Variants in OCLN observed in about 807,000 individuals in gnomAD.
OCLN encodes the protein occludin.
A neutral mutation model predicts 47.9 loss-of-function variants in OCLN; 21 were observed. The ratio of observed to expected loss-of-function variants is 0.44; its 90% CI spans 0.31 to 0.63. The LOEUF is 0.63. Among genes scored for constraint, OCLN ranks in the 30% least tolerant of loss-of-function variants. OCLN has a pLI of 0.08. For missense variants in OCLN, 360 were observed against 571.0 expected (o/e 0.63, Z 3.77); for synonymous variants, 117 against 198.4 (o/e 0.59, Z 3.45).
rs750887776 is a variant in OCLN at position 69,553,720 on chromosome 5, A to G, written c.*49A>G. On this transcript the variant is annotated 3_prime_UTR_variant, in exon 9 of 9. Coordinates refer to ENST00000396442, the MANE Select transcript of OCLN (RefSeq NM_001205254.2). ...GAAATTAAGTATCTGACATCTCTGCAATCTTCTCAGAAGGCAAATGACTTT... is the reference window on the plus strand; with the variant it reads ...GAAATTAAGTATCTGACATCTCTGCGATCTTCTCAGAAGGCAAATGACTTT... The G allele has an allele frequency of 3.2e-6, 5 of 1,585,438 alleles. No individual in the cohort carries two copies. The highest frequency in any genetic ancestry group is 3.5e-6 in the Non-Finnish European group (4 of 1,155,024).
chr5:69,497,627 C>T (rs1033659142), intron 1 of OCLN, among the ~76,000 whole-genome samples: 9 of 152,036 alleles, frequency 5.9e-5, no homozygotes, highest in African/African-American at 1.2e-4. Flanking sequence ...GTGATCCACC[C>T]GCCTCGTCCT....
intron 2 of OCLN, among the ~76,000 whole-genome samples, chr5:69,506,441 A>T (rs193122708): frequency 8.5e-5 from 13 of 152,302 alleles, no homozygotes; most frequent in Non-Finnish European, 8.8e-5. Flanking sequence ...AGTTCTGTGA[A>T]TTCGGTCCTT....
At chr5:69,520,868 G>A (rs1769117745) in intron 4 of OCLN, among the ~76,000 whole-genome samples, 1 of 152,064 alleles carries the variant, frequency 6.6e-6, no homozygotes, top group Admixed American at 6.5e-5. Flanking sequence ...TTTGTTTTGA[G>A]ATGGAGTCTC....
At chr5:69,513,791 G>A (rs1768849505) in intron 3 of OCLN, among the ~76,000 whole-genome samples, 157 bp from the exon 4 acceptor site, 1 of 152,178 alleles carries the variant, frequency 6.6e-6, no homozygotes, top group South Asian at 2.1e-4. Context: ...TTTATGATAT[G>A]TCTGAAATGT....
At chr5:69,512,904 C>A (rs931903730) in intron 3 of OCLN, among the ~76,000 whole-genome samples, 5 of 152,120 alleles carry the variant, frequency 3.3e-5, no homozygotes, top group African/African-American at 1.2e-4. Flanking sequence ...TTTTTTCTTA[C>A]ACTAACTCAG....
chr5:69,523,349 A>T (rs910952059), intron 4 of OCLN, among the ~76,000 whole-genome samples: 2 of 152,140 alleles, frequency 1.3e-5, no homozygotes, highest in Non-Finnish European at 2.9e-5. Context: ...CTAACAGTAT[A>T]TGATAATATT....
chr5:69,513,003 C>T (rs1275175093), intron 3 of OCLN, among the ~76,000 whole-genome samples: 3 of 152,172 alleles, frequency 2.0e-5, no homozygotes, highest in Non-Finnish European at 2.9e-5. Context: ...GTTTTCCCTG[C>T]AGACGTAGGT....
chr5:69,498,068 C>A (rs1768349987), intron 1 of OCLN, among the ~76,000 whole-genome samples: 1 of 151,134 alleles, frequency 6.6e-6, no homozygotes, highest in East Asian at 2.0e-4. Flanking sequence ...GGAGGCGGAG[C>A]TTGCAGTGAG....
intron 7 of OCLN, among the ~76,000 whole-genome samples, chr5:69,550,380 C>G (rs1174382910): frequency 1.3e-5 from 2 of 148,898 alleles, no homozygotes; most frequent in African/African-American, 4.9e-5. Flanking sequence ...TTAGTAGAGA[C>G]GGGGTTTTGC....
intron 1 of OCLN, among the ~76,000 whole-genome samples, chr5:69,502,814 T>C (rs1393250392): frequency 6.6e-6 from 1 of 152,156 alleles, no homozygotes; most frequent in African/African-American, 2.4e-5. Context: ...TGCCCATGGA[T>C]CCACCTACGG....
intron 2 of OCLN, 98 bp from the exon 3 acceptor site, chr5:69,509,043 T>G: frequency 9.4e-7 from 1 of 1,065,730 alleles, no homozygotes; most frequent in Non-Finnish European, 1.4e-6. Flanking sequence ...AGCTTTAGTT[T>G]CATTTACCCA....
At chr5:69,494,840 G>A (rs1338108682) in intron 1 of OCLN, among the ~76,000 whole-genome samples, 1 of 152,198 alleles carries the variant, frequency 6.6e-6, no homozygotes, top group Non-Finnish European at 1.5e-5. Context: ...TGCCGTGGGG[G>A]AAACGTTGCA....
Position 69,553,872 on chromosome 5 carries a change from G to A in OCLN, c.*201G>A, listed in dbSNP as rs1236309112. ...AACTGGGCTGAACACTCCAATTAAG[G>A]ATTTTATGCTTTAAACATTGGTTCT... On this transcript the variant is annotated 3_prime_UTR_variant, in exon 9 of 9. Transcript: ENST00000396442. The A allele has an allele frequency of 1.5e-4, 89 of 580,514 alleles. No homozygotes were observed. Among genetic ancestry groups the A allele is most frequent in the Non-Finnish European group, 2.4e-4 (76 of 317,478 alleles). The allele number at this position is 580,514 out of a possible 1,614,324, so 36.0% of individuals were successfully genotyped here.
intron 7 of OCLN, among the ~76,000 whole-genome samples, chr5:69,548,600 G>A (rs551918403): frequency 0.079 from 11,824 of 148,756 alleles, 1,610 homozygotes; most frequent in African/African-American, 0.28. Context: ...GATTACAGGC[G>A]TGAGCCACCG....
At chr5:69,496,305 AG>A (rs1433789641) in intron 1 of OCLN, among the ~76,000 whole-genome samples, 2 of 151,912 alleles carry the variant, frequency 1.3e-5, no homozygotes, top group Non-Finnish European at 2.9e-5. Context: ...TCACTGTGTT[AG>A]CGGGGATGGT....
At chr5:69,533,859 G>A (rs540145768) in intron 4 of OCLN, among the ~76,000 whole-genome samples, 2 of 152,076 alleles carry the variant, frequency 1.3e-5, no homozygotes, top group African/African-American at 4.8e-5. Context: ...ACGGGGTTTC[G>A]CTGTGTCAGC....
At chr5:69,506,402 A>G (rs1406494598) in intron 2 of OCLN, among the ~76,000 whole-genome samples, 1 of 152,244 alleles carries the variant, frequency 6.6e-6, no homozygotes, top group East Asian at 1.9e-4. Flanking sequence ...GCCACCCTCC[A>G]GGAACTTGCA....
At chr5:69,514,529 C>CTT (rs941589132) in intron 4 of OCLN, among the ~76,000 whole-genome samples, 1 of 143,244 alleles carries the variant, frequency 7.0e-6, no homozygotes, top group Non-Finnish European at 1.5e-5. Flanking sequence ...GCCTTTTAAA[C>CTT]TTTTTTTTTT....
chr5:69,516,240 A>T (rs142380527), intron 4 of OCLN, among the ~76,000 whole-genome samples: 2,661 of 152,330 alleles, frequency 0.017, 75 homozygotes, highest in African/African-American at 0.061. Context: ...TCCGTCTGCA[A>T]TCCCGGCACC....
Sources: allele counts gnomAD v4.1 joint callset (sites outside exome capture counted in the v4.1 genomes callset), GRCh38; gene constraint gnomAD v4.1.1; transcripts MANE v1.5; gene names NCBI Gene and HGNC (gene_info 2026-07-23, HGNC 2026-07-21).